PARVB: variants seen among roughly 807,000 people sequenced by gnomAD.
PARVB encodes the protein parvin beta.
In PARVB, 46 loss-of-function variants were observed where a neutral mutation model predicts 47.0. The observed-to-expected ratio is 0.98, with a 90% confidence interval of 0.77 to 1.25. The LOEUF is 1.25. Among genes scored for constraint, PARVB ranks in the 50% most tolerant of loss-of-function variants. PARVB has a pLI of 0.00. For synonymous variants in PARVB, 196 were observed against 196.3 expected (o/e 1.00, Z 0.01); for missense variants, 473 against 471.6 (o/e 1.00, Z -0.03).
chr22:44,015,590 G>A (rs867631091), intron 2 of PARVB, among the ~76,000 whole-genome samples: 10 of 151,994 alleles, frequency 6.6e-5, no homozygotes, highest in African/African-American at 1.2e-4. Context: ...AGGCTGGGGC[G>A]GGCAGATCAC....
At chr22:44,015,587 G>A (rs555949784) in intron 2 of PARVB, among the ~76,000 whole-genome samples, 8 of 152,304 alleles carry the variant, frequency 5.3e-5, no homozygotes, top group Admixed American at 5.2e-4. Flanking sequence ...GGGAGGCTGG[G>A]GCGGGCAGAT....
upstream of PARVB, among the ~76,000 whole-genome samples, chr22:44,020,358 C>G (rs1186028155): frequency 3.3e-5 from 5 of 151,892 alleles, no homozygotes; most frequent in Non-Finnish European, 7.4e-5. Context: ...TTATTTTGTA[C>G]AGAGGGGGTC....
intron 2 of PARVB, among the ~76,000 whole-genome samples, chr22:44,014,556 A>G (rs1000531816): frequency 6.6e-6 from 1 of 152,174 alleles, no homozygotes; most frequent in Non-Finnish European, 1.5e-5. Flanking sequence ...CATCTCATTA[A>G]ATTCTCTCTT....
intron 10 of PARVB, among the ~76,000 whole-genome samples, chr22:44,154,334 G>A (rs980818222): frequency 6.6e-6 from 1 of 152,152 alleles, no homozygotes; most frequent in Non-Finnish European, 1.5e-5. Context: ...AGGAATTTGG[G>A]TATTTTTATA....
intron 2 of PARVB, chr22:44,009,555 A>G (rs995282624): frequency 1.3e-4 from 19 of 151,714 alleles, no homozygotes; most frequent in African/African-American, 4.4e-4. Context: ...ATAAAGGTTT[A>G]TATATATATG....
intron 8 of PARVB, 85 bp from the exon 9 acceptor site, chr22:44,147,776 A>C (rs1429867553): frequency 9.1e-7 from 1 of 1,093,146 alleles, no homozygotes; most frequent in African/African-American, 1.5e-5. Flanking sequence ...CTCCTGAGGG[A>C]TCAGAAGCTG....
At chr22:44,164,380 C>G (rs1489308473) in intron 12 of PARVB, among the ~76,000 whole-genome samples, 1 of 150,172 alleles carries the variant, frequency 6.7e-6, no homozygotes, top group African/African-American at 2.5e-5. Flanking sequence ...AGGAGGCCAG[C>G]AGAGCTGGGG....
intron 2 of PARVB, among the ~76,000 whole-genome samples, chr22:44,098,330 T>G (rs1020732777): frequency 4.6e-5 from 7 of 152,088 alleles, no homozygotes; most frequent in Non-Finnish European, 8.8e-5. Context: ...CACAAAGTCC[T>G]CTTTGGGGCT....
intron 10 of PARVB, among the ~76,000 whole-genome samples, chr22:44,156,453 A>G (rs2053936585): frequency 6.6e-6 from 1 of 151,520 alleles, no homozygotes; most frequent in African/African-American, 2.4e-5. Context: ...TAATTTTTGT[A>G]TTTTTACTAG....
At chr22:44,109,467 C>T (rs890835829) in intron 3 of PARVB, 2 of 152,178 alleles carry the variant, frequency 1.3e-5, no homozygotes, top group Admixed American at 1.3e-4. Context: ...TGAGTGCGTC[C>T]CTAAAAATAA....
At chr22:44,115,477 T>C (rs2052860942) in intron 3 of PARVB, 1 of 108,154 alleles carries the variant, frequency 9.2e-6, no homozygotes, top group Non-Finnish European at 1.9e-5. Flanking sequence ...CCAACACAGA[T>C]ACATTGTTAC....
chr22:44,168,313 C>G, intron 12 of PARVB: 1 of 375,276 alleles, frequency 2.7e-6, no homozygotes, highest in Non-Finnish European at 5.0e-6. Flanking sequence ...GGTTCTTAGA[C>G]ATGTCCTGAT....
intron 1 of PARVB, among the ~76,000 whole-genome samples, chr22:44,052,988 T>C (rs2051239202): frequency 1.3e-5 from 2 of 151,788 alleles, no homozygotes; most frequent in South Asian, 4.2e-4. Context: ...AGACAGGTGG[T>C]GGGCCAGATT....
Position 44,158,226 on chromosome 22 carries a change from T to C in PARVB, c.945+143T>C. 7 of 607,262 alleles carry C rather than the reference T, an allele frequency of 1.2e-5. No homozygotes were observed. In the South Asian group the frequency reaches 1.4e-4, roughly 12 times the overall value. 37.6% of individuals were successfully genotyped at this position (607,262 alleles called of 1,614,324 possible). ...ATGCACAAGTGATATTGCAATTAGA[T>C]GTAACTCTCAGCAAAAGAAATAAGA... is the stretch of plus-strand genomic sequence containing the variant. On this transcript the variant is annotated intron_variant, in intron 11 of 12. Transcript: ENST00000338758.
chr22:44,019,136 C>T (rs2050617085), intron 2 of PARVB, among the ~76,000 whole-genome samples: 1 of 152,052 alleles, frequency 6.6e-6, no homozygotes, highest in African/African-American at 2.4e-5. Context: ...AGGCTGGTCT[C>T]GAACTTGTGA....
At chr22:44,055,259 C>T (rs1013140089) in intron 1 of PARVB, among the ~76,000 whole-genome samples, 21 of 152,088 alleles carry the variant, frequency 1.4e-4, no homozygotes, top group Admixed American at 3.9e-4. Context: ...TGACCAGTGC[C>T]GCCTTGAACG....
At chr22:44,050,386 C>T (rs543075467) in intron 1 of PARVB, among the ~76,000 whole-genome samples, 59 of 151,668 alleles carry the variant, frequency 3.9e-4, no homozygotes, top group Middle Eastern at 3.4e-3. Flanking sequence ...TCTTGTTGCC[C>T]AGGCTGGAGT....
At chr22:44,054,599 G>A (rs536116128) in intron 1 of PARVB, among the ~76,000 whole-genome samples, 10 of 152,336 alleles carry the variant, frequency 6.6e-5, no homozygotes, top group Admixed American at 6.5e-4. Flanking sequence ...CAGGGAGTTA[G>A]TGTTTCTGCC....
At chr22:44,105,685 A>T (rs1308097344) in intron 3 of PARVB, 4 of 152,242 alleles carry the variant, frequency 2.6e-5, no homozygotes, top group Non-Finnish European at 5.9e-5. Flanking sequence ...ATGCAGAGCT[A>T]ATTCATCCTT....
Sources: gnomAD v4.1 joint callset for allele counts (sites outside exome capture counted in the v4.1 genomes callset) on GRCh38, gnomAD v4.1.1 for gene constraint, MANE v1.5 for transcripts, NCBI Gene and HGNC (gene_info 2026-07-23, HGNC 2026-07-21) for gene names.